The following CTNNA3 variants were observed in gnomAD, a reference collection of about 807,000 sequenced individuals.
CTNNA3 encodes catenin alpha 3, also known as catenin alpha-3.
Under a neutral mutation model 95.7 loss-of-function variants are expected in CTNNA3, and 76 were observed. The observed-to-expected ratio is 0.79, with a 90% CI of 0.66 to 0.96. CTNNA3 has a LOEUF of 0.96. Among genes scored for constraint, CTNNA3 ranks in the 40% least tolerant of loss-of-function variants. The pLI, the probability that CTNNA3 is intolerant of heterozygous loss-of-function variation, is 0.00. For synonymous variants in CTNNA3, 431 were observed against 374.4 expected (o/e 1.15, Z -1.74); for missense variants, 1,191 against 1,089.8 (o/e 1.09, Z -1.31).
chr10:66,521,723 T>C (rs964610677), intron 10 of CTNNA3, among the ~76,000 whole-genome samples: 2 of 152,184 alleles, frequency 1.3e-5, no homozygotes, highest in Admixed American at 6.5e-5. Context: ...CAAAAAACTG[T>C]TGCCATAACC....
intron 5 of CTNNA3, among the ~76,000 whole-genome samples, chr10:67,222,550 T>C (rs1431317380): frequency 1.3e-5 from 2 of 152,238 alleles, no homozygotes; most frequent in Non-Finnish European, 2.9e-5. Context: ...TCTGTCAAAC[T>C]TGGTGTACTG....
At chr10:66,302,131 T>C (rs903229965) in intron 12 of CTNNA3, among the ~76,000 whole-genome samples, 2 of 152,000 alleles carry the variant, frequency 1.3e-5, no homozygotes, top group African/African-American at 4.8e-5. Context: ...GAGATCCATG[T>C]GAAGAAAATT....
chr10:66,347,901 C>T (rs72802863), intron 12 of CTNNA3, among the ~76,000 whole-genome samples: 9,250 of 151,988 alleles, frequency 0.061, 445 homozygotes, highest in East Asian at 0.1. Flanking sequence ...GAATAAATGA[C>T]ATATTTGAAT....
chr10:66,441,877 C>T (rs1030270321), intron 11 of CTNNA3, among the ~76,000 whole-genome samples: 4 of 152,036 alleles, frequency 2.6e-5, no homozygotes, highest in Admixed American at 2.6e-4. Context: ...TTTGGTAAAG[C>T]AAAATATAAG....
At chr10:67,106,110 G>A (rs1170376085) in intron 7 of CTNNA3, among the ~76,000 whole-genome samples, 4 of 152,100 alleles carry the variant, frequency 2.6e-5, no homozygotes, top group Non-Finnish European at 5.9e-5. Context: ...AGCCCTTAGC[G>A]GCTTTTCCCT....
intron 7 of CTNNA3, among the ~76,000 whole-genome samples, chr10:67,092,759 T>TA (rs1303960326): frequency 1.4e-4 from 22 of 152,140 alleles, no homozygotes; most frequent in Middle Eastern, 6.8e-3. Flanking sequence ...GAAAGGTACA[T>TA]AGCATTGATG....
chr10:66,777,000 A>T (rs1840328586), intron 7 of CTNNA3, among the ~76,000 whole-genome samples: 1 of 152,172 alleles, frequency 6.6e-6, no homozygotes, highest in Admixed American at 6.5e-5. Context: ...ACTGTTTTCC[A>T]GGAAGGTGTC....
At chr10:66,057,999 G>C (rs1485701542) in intron 15 of CTNNA3, among the ~76,000 whole-genome samples, 1 of 152,092 alleles carries the variant, frequency 6.6e-6, no homozygotes, top group Non-Finnish European at 1.5e-5. Context: ...GACATAGACT[G>C]TTTCTAAATG....
intron 16 of CTNNA3, among the ~76,000 whole-genome samples, chr10:65,973,784 A>C (rs1002260605): frequency 1.3e-5 from 2 of 152,008 alleles, no homozygotes; most frequent in African/African-American, 4.8e-5. Context: ...AAATGACCAG[A>C]TCTTCTGATA....
chr10:66,693,455 A>G (rs368815364), intron 9 of CTNNA3, among the ~76,000 whole-genome samples: 6 of 150,802 alleles, frequency 4.0e-5, no homozygotes, highest in Admixed American at 3.3e-4. Context: ...ACCCAGATTC[A>G]TAAAGCAAGT....
rs191169004 is a variant in CTNNA3 at position 66,609,413 on chromosome 10, A to G, written c.1374+12279T>C. ...AGAAACTTATACAAGCTTACAAGAA[A>G]AGAAAAAGCAACCCCATTAAAAAGT... On this transcript the variant is annotated intron_variant, in intron 10 of 17. Transcript: ENST00000433211. Among the ~76,000 whole-genome samples, 1,237 of 149,116 alleles carry G rather than the reference A, an allele frequency of 8.3e-3. 17 individuals carry two copies. The highest frequency in any genetic ancestry group is 0.029 in the African/African-American group (1,172 of 40,192).
At position 66,288,939 on chromosome 10, in the gene CTNNA3, T is replaced by C. The variant is rs920326933; in HGVS notation, c.1733-8318A>G. ...CTTTATTGGTCAACATGTATCTTCC[T>C]TGGTATAAATATAGATGACTACTTA... On this transcript the variant is annotated intron_variant, in intron 12 of 17. Transcript: ENST00000433211. Among the ~76,000 whole-genome samples, 5 of 152,090 alleles carry C rather than the reference T, an allele frequency of 3.3e-5. No individual in the cohort carries two copies. In the East Asian group the frequency reaches 9.6e-4, roughly 29 times the overall value.
chr10:67,627,638 T>C lies in CTNNA3; in HGVS notation c.99+19777A>G, dbSNP rs532221567. On this transcript the variant is annotated intron_variant, in intron 2 of 17. Transcript: ENST00000433211. ...ATACTAAAACATTAATTATTAAGCATAGTTTAGATAATTTTGACATCTTGT... is the reference window on the plus strand; with the variant it reads ...ATACTAAAACATTAATTATTAAGCACAGTTTAGATAATTTTGACATCTTGT... Among the ~76,000 whole-genome samples the C allele has an allele frequency of 5.3e-5, 8 of 152,284 alleles. No homozygotes were observed. In the South Asian group the frequency reaches 8.3e-4, roughly 16 times the overall value.
intron 7 of CTNNA3, among the ~76,000 whole-genome samples, chr10:67,134,324 G>C (rs933252830): frequency 6.6e-6 from 1 of 152,066 alleles, no homozygotes; most frequent in African/African-American, 2.4e-5. Flanking sequence ...ATGTAGAGAA[G>C]TGATAACGAG....
intron 3 of CTNNA3, among the ~76,000 whole-genome samples, chr10:67,557,723 A>C (rs955834275): frequency 6.6e-6 from 1 of 152,230 alleles, no homozygotes; most frequent in Admixed American, 6.5e-5. Context: ...GGTTGTTTAC[A>C]GAATTTCTGC....
intron 16 of CTNNA3, among the ~76,000 whole-genome samples, chr10:65,975,319 T>C (rs969345968): frequency 6.6e-6 from 1 of 151,656 alleles, no homozygotes; most frequent in Non-Finnish European, 1.5e-5. Context: ...ATCCCTCAAA[T>C]CTCCTCAAAA....
intron 9 of CTNNA3, among the ~76,000 whole-genome samples, chr10:66,751,092 A>G (rs2132727650): frequency 6.6e-6 from 1 of 152,026 alleles, no homozygotes; most frequent in South Asian, 2.1e-4. Context: ...ATATGGTGAA[A>G]CCCCGTCTCT....
chr10:66,066,595 A>G (rs562251416), intron 15 of CTNNA3, among the ~76,000 whole-genome samples: 1 of 152,318 alleles, frequency 6.6e-6, no homozygotes, highest in Admixed American at 6.5e-5. Flanking sequence ...AAAAATGGCA[A>G]GAGTTAAGTG....
chr10:66,180,050 G>C (rs2085955609), intron 13 of CTNNA3, among the ~76,000 whole-genome samples: 1 of 152,154 alleles, frequency 6.6e-6, no homozygotes, highest in South Asian at 2.1e-4. Context: ...GAACCCTAGA[G>C]ATGCTGACCT....
Sources: gnomAD v4.1 joint callset for allele counts (sites outside exome capture counted in the v4.1 genomes callset) on GRCh38, gnomAD v4.1.1 for gene constraint, MANE v1.5 for transcripts, NCBI Gene and HGNC (gene_info 2026-07-23, HGNC 2026-07-21) for gene names.